Variants in C1QTNF1 observed in about 807,000 individuals in gnomAD.
C1QTNF1 encodes the protein C1q and TNF related 1, also known as complement C1q tumor necrosis factor-related protein 1.
In C1QTNF1, 22 loss-of-function variants were observed where a neutral mutation model predicts 27.8. The observed-to-expected ratio is 0.79, with a 90% CI of 0.56 to 1.13. The LOEUF (loss-of-function observed/expected upper bound fraction) is 1.13, where lower values mean the gene tolerates loss of function less well. Among genes scored for constraint, C1QTNF1 ranks in the 50% most tolerant of loss-of-function variants. C1QTNF1 has a pLI of 0.00. For synonymous variants in C1QTNF1, 166 were observed against 154.3 expected (o/e 1.08, Z -0.56); for missense variants, 373 against 380.2 (o/e 0.98, Z 0.16).
At position 79,044,121 on chromosome 17, in the gene C1QTNF1, G is replaced by A. The variant is rs1329442324; in HGVS notation, c.153G>A (p.Glu51=). 2 of 1,605,462 alleles carry A rather than the reference G, an allele frequency of 1.2e-6. No individual in the cohort carries two copies. The highest frequency in any genetic ancestry group is 1.7e-5 in the Admixed American group (1 of 59,404). Residue 51 remains glutamate (E), a splice_region_variant and synonymous_variant, in exon 2 of 4, where the codon GAG becomes GAA. Transcript: ENST00000579760. ...EELPSPPDHA[E]RAEEQHEKYR... Reference sequence around the variant, plus strand: ...TGCCGTCGCCTCCGGACCATGCCGAGAGGTGAGGGGCCACGAGGGTGTAAT... The same window carrying A: ...TGCCGTCGCCTCCGGACCATGCCGAAAGGTGAGGGGCCACGAGGGTGTAAT...
At chr17:79,037,270 C>G (rs1265027272) in intron 1 of C1QTNF1, among the ~76,000 whole-genome samples, 1 of 152,180 alleles carries the variant, frequency 6.6e-6, no homozygotes, top group East Asian at 1.9e-4. Context: ...GCTGGGATTA[C>G]AGGCACGTGC....
chr17:79,045,965 GTGGGTC>G (rs974910899), intron 2 of C1QTNF1, among the ~76,000 whole-genome samples: 7 of 152,164 alleles, frequency 4.6e-5, no homozygotes, highest in Admixed American at 3.9e-4. Context: ...TGCTGCCCCC[GTGGGTC>G]TGCGCAGCTC....
At chr17:79,039,884 A>T (rs955274144) in intron 1 of C1QTNF1, among the ~76,000 whole-genome samples, 3 of 152,024 alleles carry the variant, frequency 2.0e-5, no homozygotes, top group African/African-American at 7.2e-5. Flanking sequence ...TTCAGGAAAA[A>T]AATATTTAAA....
Position 79,048,104 on chromosome 17 carries a change from C to T in C1QTNF1, c.*16C>T, listed in dbSNP as rs1383074131. ...CGAGCCCTAGCTGGCCGGCCACCTCCTTTCCTCTCGCCACCTTCCACCCCT... is the reference window on the plus strand; with the variant it reads ...CGAGCCCTAGCTGGCCGGCCACCTCTTTTCCTCTCGCCACCTTCCACCCCT... On this transcript the variant is annotated 3_prime_UTR_variant, in exon 4 of 4. Transcript: ENST00000579760. 1 of 1,533,860 alleles carries T rather than the reference C, an allele frequency of 6.5e-7. No individual in the cohort carries two copies. The highest frequency in any genetic ancestry group is 1.2e-5 in the South Asian group (1 of 80,162).
chr17:79,040,782 C>T (rs1415619027), intron 1 of C1QTNF1, among the ~76,000 whole-genome samples: 1 of 149,116 alleles, frequency 6.7e-6, no homozygotes, highest in Non-Finnish European at 1.5e-5. Context: ...TGCATACCTG[C>T]AGTCCCTTCT....
In C1QTNF1 at chr17:79,044,031, C is replaced by T. The variant is rs887176361; in HGVS notation, c.63C>T (p.Gly21=). 1.9e-6 allele frequency: 3 copies of T among 1,613,886 alleles called. No individual in the cohort carries two copies. The highest frequency in any genetic ancestry group is 2.5e-6 in the Non-Finnish European group (3 of 1,179,912). ...GCCTGCTCCTTGCCTTTGCCTCTGGCCTGGTCCTGAGTCGTGTGCCCCATG... is the reference window on the plus strand; with the variant it reads ...GCCTGCTCCTTGCCTTTGCCTCTGGTCTGGTCCTGAGTCGTGTGCCCCATG... ...AYCLLLAFAS[G]LVLSRVPHVQ... Residue 21 remains glycine (G), a synonymous_variant, in exon 2 of 4, where the codon GGC becomes GGT. Coordinates refer to ENST00000579760, the MANE Select transcript of C1QTNF1 (RefSeq NM_030968.5).
chr17:79,046,232 C>T lies in C1QTNF1; in HGVS notation c.156-323C>T, dbSNP rs1217101030. On this transcript the variant is annotated intron_variant, in intron 2 of 3. Transcript: ENST00000579760. The surrounding 1 kb of genome is among the most constrained non-coding windows in gnomAD (Gnocchi z 4.8). ...CATCACGGATATACGATAGGGAGTC[C>T]CGGCATTGTCTTGTGTCACCCAAAG... Among the ~76,000 whole-genome samples, 1 of 152,106 alleles carries T rather than the reference C, an allele frequency of 6.6e-6. No homozygotes were observed. Among genetic ancestry groups the T allele is most frequent in the African/African-American group, 2.4e-5 (1 of 41,364 alleles).
intron 1 of C1QTNF1, among the ~76,000 whole-genome samples, chr17:79,042,191 G>T (rs139943309): frequency 6.0e-4 from 91 of 152,332 alleles, no homozygotes; most frequent in African/African-American, 2.1e-3. Flanking sequence ...GACCACAGTC[G>T]CTGTGCCCCT....
chr17:79,026,669 T>C (rs1217719362), intron 1 of C1QTNF1, among the ~76,000 whole-genome samples: 1 of 152,136 alleles, frequency 6.6e-6, no homozygotes, highest in Non-Finnish European at 1.5e-5. Context: ...GTGAGCTCAT[T>C]CAGGGAGGCA....
chr17:79,029,234 G>A (rs1031565233), intron 1 of C1QTNF1, among the ~76,000 whole-genome samples: 4 of 152,188 alleles, frequency 2.6e-5, no homozygotes, highest in Non-Finnish European at 2.9e-5. Flanking sequence ...GGGCGGGAAC[G>A]GTCGCTGCAC....
At chr17:79,023,228 C>T (rs1218561864), upstream of C1QTNF1, 2 of 152,086 alleles carry the variant, frequency 1.3e-5, no homozygotes, top group Non-Finnish European at 2.9e-5. Context: ...AGGGGCAGCT[C>T]GGAGAGAACA....
rs1363328828 is a variant in C1QTNF1 at position 79,048,829 on chromosome 17, C to G, written c.*741C>G. ...GTTGGTAGAAGCAGCCGAAGGGCTC[C>G]TGACAGTGGCCAGGGACCCCTGGGT... On this transcript the variant is annotated 3_prime_UTR_variant, in exon 4 of 4. Transcript: ENST00000579760. The G allele has an allele frequency of 6.6e-6, 1 of 152,208 alleles. No individual in the cohort carries two copies. The highest frequency in any genetic ancestry group is 1.5e-5 in the Non-Finnish European group (1 of 68,048). 9.4% of individuals were successfully genotyped at this position (152,208 alleles called of 1,614,324 possible).
At chr17:79,040,388 C>T (rs567731946) in intron 1 of C1QTNF1, among the ~76,000 whole-genome samples, 3 of 152,100 alleles carry the variant, frequency 2.0e-5, no homozygotes, top group African/African-American at 4.8e-5. Flanking sequence ...TGGCCTGAGC[C>T]GGGAGGGTTG....
At chr17:79,041,181 A>G (rs1287947515) in intron 1 of C1QTNF1, among the ~76,000 whole-genome samples, 1 of 152,172 alleles carries the variant, frequency 6.6e-6, no homozygotes, top group Non-Finnish European at 1.5e-5. Flanking sequence ...TGGCCTAAGC[A>G]GCTCCTTGGT....
At chr17:79,036,657 T>C (rs1353826406) in intron 1 of C1QTNF1, among the ~76,000 whole-genome samples, 1 of 152,240 alleles carries the variant, frequency 6.6e-6, no homozygotes, top group Non-Finnish European at 1.5e-5. Flanking sequence ...TGTGTTGTTC[T>C]GTCTTGAGCT....
chr17:79,030,375 G>A (rs1318717450), intron 1 of C1QTNF1, among the ~76,000 whole-genome samples: 1 of 151,956 alleles, frequency 6.6e-6, no homozygotes, highest in Non-Finnish European at 1.5e-5. Context: ...GTATGTGCGT[G>A]TGTTTGGGTC....
intron 1 of C1QTNF1, among the ~76,000 whole-genome samples, chr17:79,026,630 C>T (rs372898016): frequency 6.6e-6 from 1 of 152,206 alleles, no homozygotes; most frequent in Non-Finnish European, 1.5e-5. Flanking sequence ...CCCTCTCCTC[C>T]TCTTGTGTTG....
In C1QTNF1 at chr17:79,047,865, A is replaced by C; in HGVS notation, c.623A>C (p.Tyr208Ser). 1 of 1,614,144 alleles carries C rather than the reference A, an allele frequency of 6.2e-7. No homozygotes were observed. The highest frequency in any genetic ancestry group is 8.5e-7 in the Non-Finnish European group (1 of 1,180,028). Residue 208 changes from tyrosine (Y) to serine (S), a missense_variant, in exon 4 of 4, where the codon TAC becomes TCC. Physicochemically the swap from Tyr to Ser is moderately radical, Grantham distance 144. Transcript: ENST00000579760. ...NVHTWNQKET[Y>S]LHIMKNEEEV... The stretch of plus-strand genomic sequence containing the variant: ...CACACCTGGAACCAGAAGGAGACCT[A>C]CCTGCACATCATGAAGAACGAGGAG...
chr17:79,027,034 T>C (rs2071983783), intron 1 of C1QTNF1, among the ~76,000 whole-genome samples: 2 of 146,126 alleles, frequency 1.4e-5, no homozygotes, highest in South Asian at 4.4e-4. Flanking sequence ...GCGCAGGGAC[T>C]GGAGCTTCCC....
Sources: allele counts gnomAD v4.1 joint callset (sites outside exome capture counted in the v4.1 genomes callset), GRCh38; gene constraint gnomAD v4.1.1; non-coding constraint Gnocchi (gnomAD v3.1); transcripts MANE v1.5; gene names NCBI Gene and HGNC (gene_info 2026-07-23, HGNC 2026-07-21).